The following PPP2R5C variants were observed in gnomAD, a reference collection of about 807,000 sequenced individuals.
The protein encoded by PPP2R5C is protein phosphatase 2 regulatory subunit B'gamma, also known as serine/threonine-protein phosphatase 2A 56 kDa regulatory subunit gamma isoform.
Under a neutral mutation model 68.9 loss-of-function variants are expected in PPP2R5C, and 7 were observed. The observed-to-expected ratio is 0.10, with a 90% CI of 0.06 to 0.19. The LOEUF is 0.19. Among genes scored for constraint, PPP2R5C ranks in the 10% least tolerant of loss-of-function variants. PPP2R5C has a pLI of 1.00. For missense variants in PPP2R5C, 348 were observed against 641.3 expected (o/e 0.54, Z 4.94); for synonymous variants, 210 against 222.2 (o/e 0.95, Z 0.49).
Position 101,911,654 on chromosome 14 carries a change from T to C in PPP2R5C, c.1254-747T>C, listed in dbSNP as rs187835336. Among the ~76,000 whole-genome samples the C allele has an allele frequency of 1.7e-3, 256 of 152,106 alleles. 5 individuals carry two copies. Among genetic ancestry groups the C allele is most frequent in the Admixed American group, 0.014 (207 of 15,272 alleles). ...TCCCAGCACTTTGGGAGGTTATGGCTGGTGGATCATTTGAGGTCAGGAGTT... is the reference window on the plus strand; with the variant it reads ...TCCCAGCACTTTGGGAGGTTATGGCCGGTGGATCATTTGAGGTCAGGAGTT... On this transcript the variant is annotated intron_variant, in intron 11 of 13. Coordinates refer to ENST00000334743, the Ensembl canonical transcript of PPP2R5C.
At chr14:101,793,222 A>G (rs1191914825) in intron 3 of PPP2R5C, among the ~76,000 whole-genome samples, 2 of 152,144 alleles carry the variant, frequency 1.3e-5, no homozygotes, top group Non-Finnish European at 2.9e-5. Flanking sequence ...TCAGTAGTAA[A>G]TATATTAGCA....
chr14:101,835,197 T>C lies in PPP2R5C; in HGVS notation c.95-21489T>C, dbSNP rs2041008734. Among the ~76,000 whole-genome samples the C allele has an allele frequency of 6.6e-6, 1 of 152,022 alleles. No homozygotes were observed. Among genetic ancestry groups the C allele is most frequent in the South Asian group, 2.1e-4 (1 of 4,816 alleles). ...GCGGTGGGAGCATGGGCTGCTCAGC[T>C]GGGGCCATCCAAGGAAGCAAAGATG... On this transcript the variant is annotated intron_variant, in intron 1 of 13. Transcript: ENST00000334743. This position sits in a 1 kb window ranked among gnomAD's most constrained non-coding sequence, Gnocchi z 5.0.
chr14:101,849,498 CTT>C, intron 1 of PPP2R5C, among the ~76,000 whole-genome samples: 1 of 143,670 alleles, frequency 7.0e-6, no homozygotes, highest in Admixed American at 6.9e-5. Context: ...CTGATTAAGA[CTT>C]TTTCCTATTC....
chr14:101,860,043 T>G (rs2042660873), intron 2 of PPP2R5C, among the ~76,000 whole-genome samples: 1 of 152,172 alleles, frequency 6.6e-6, no homozygotes, highest in South Asian at 2.1e-4. Context: ...GAGGTATTAT[T>G]CACATAGCCT....
At chr14:101,889,467 G>C (rs1017210663) in intron 5 of PPP2R5C, among the ~76,000 whole-genome samples, 1 of 152,196 alleles carries the variant, frequency 6.6e-6, no homozygotes, top group Admixed American at 6.5e-5. Context: ...CGTGTTTTCA[G>C]CATCAAACAG....
intron 1 of PPP2R5C, among the ~76,000 whole-genome samples, chr14:101,815,208 T>G (rs975175457): frequency 4.6e-5 from 7 of 152,118 alleles, no homozygotes; most frequent in Non-Finnish European, 8.8e-5. Flanking sequence ...CCACAGAGAA[T>G]GTAGTGAAAC....
At chr14:101,914,157 C>T (rs1310771307) in intron 12 of PPP2R5C, 4 of 455,948 alleles carry the variant, frequency 8.8e-6, no homozygotes, top group South Asian at 1.5e-5. Context: ...TCTTTGCAAA[C>T]GTCTGTGGTG....
chr14:101,788,229 T>C (rs1343192366), intron 3 of PPP2R5C, among the ~76,000 whole-genome samples: 1 of 152,170 alleles, frequency 6.6e-6, no homozygotes, highest in Non-Finnish European at 1.5e-5. Context: ...TGTGCCCCAT[T>C]TTTCCATGCA....
chr14:101,763,086 T>C (rs1168395264), intron 2 of PPP2R5C, 116 bp downstream of exon 2: 3 of 851,088 alleles, frequency 3.5e-6, no homozygotes, highest in East Asian at 2.7e-5. Context: ...GTGAGGTTTT[T>C]TTTTTGTGGT....
At chr14:101,893,901 C>T (rs1276519790) in intron 7 of PPP2R5C, among the ~76,000 whole-genome samples, 1 of 152,214 alleles carries the variant, frequency 6.6e-6, no homozygotes, top group African/African-American at 2.4e-5. Flanking sequence ...CTGCAGTGGG[C>T]GTCTTTGTTC....
chr14:101,764,658 TC>T (rs2036756432), intron 2 of PPP2R5C, among the ~76,000 whole-genome samples: 1 of 152,218 alleles, frequency 6.6e-6, no homozygotes, highest in Non-Finnish European at 1.5e-5. Context: ...AGTCTGTCCC[TC>T]CCTGTCTTTA....
chr14:101,783,647 A>T (rs1297819105), intron 2 of PPP2R5C, among the ~76,000 whole-genome samples: 2 of 152,148 alleles, frequency 1.3e-5, no homozygotes, highest in Non-Finnish European at 2.9e-5. Context: ...CATGGCAGTC[A>T]AGACCCATGG....
intron 2 of PPP2R5C, among the ~76,000 whole-genome samples, chr14:101,862,055 G>A (rs2140644408): frequency 6.6e-6 from 1 of 152,266 alleles, no homozygotes; most frequent in Middle Eastern, 3.4e-3. Flanking sequence ...TGGGACCACA[G>A]GCTTGCACCA....
rs1243137054 is a variant in PPP2R5C at position 101,891,931 on chromosome 14, G to T, written c.690-1069G>T. Among the ~76,000 whole-genome samples the T allele has an allele frequency of 6.6e-6, 1 of 152,128 alleles. No individual in the cohort carries two copies. The highest frequency in any genetic ancestry group is 1.5e-5 in the Non-Finnish European group (1 of 68,020). On this transcript the variant is annotated intron_variant, in intron 6 of 13. Coordinates refer to ENST00000334743, the Ensembl canonical transcript of PPP2R5C. The surrounding 1 kb of genome is among the most constrained non-coding windows in gnomAD (Gnocchi z 4.9). ...GGTAGGACCTCTTTTCTTGCACAAG[G>T]GAACAGCTTTCTGTTTTTTTGTTTG... is the stretch of plus-strand genomic sequence containing the variant.
chr14:101,787,632 T>C (rs944160653), intron 3 of PPP2R5C, among the ~76,000 whole-genome samples: 4 of 151,938 alleles, frequency 2.6e-5, no homozygotes, highest in African/African-American at 9.7e-5. Flanking sequence ...CCAGGCGTGG[T>C]GGCGGGCGCC....
At chr14:101,919,576 G>A (rs1295194494) in intron 13 of PPP2R5C, among the ~76,000 whole-genome samples, 3 of 152,182 alleles carry the variant, frequency 2.0e-5, no homozygotes, top group Non-Finnish European at 2.9e-5. Flanking sequence ...ACTGCACACA[G>A]AAGGAAATCA....
chr14:101,768,121 TG>T (rs2036952647), intron 2 of PPP2R5C, among the ~76,000 whole-genome samples: 1 of 152,226 alleles, frequency 6.6e-6, no homozygotes, highest in Admixed American at 6.5e-5. Flanking sequence ...AGTGGCCCAC[TG>T]CCCCCACCAA....
At chr14:101,761,589 G>A, upstream of PPP2R5C, among the ~76,000 whole-genome samples, 1 of 137,528 alleles carries the variant, frequency 7.3e-6, no homozygotes, top group South Asian at 2.3e-4. Flanking sequence ...GGGCGCGGGG[G>A]TGGGGCGAGC....
intron 1 of PPP2R5C, among the ~76,000 whole-genome samples, chr14:101,855,958 A>G (rs2042396314): frequency 6.6e-6 from 1 of 152,252 alleles, no homozygotes; most frequent in Non-Finnish European, 1.5e-5. Flanking sequence ...CTCACTAAGT[A>G]ATAGTTACCG....
Sources: allele counts gnomAD v4.1 joint callset (sites outside exome capture counted in the v4.1 genomes callset), GRCh38; gene constraint gnomAD v4.1.1; non-coding constraint Gnocchi (gnomAD v3.1); transcripts MANE v1.5; gene names NCBI Gene and HGNC (gene_info 2026-07-23, HGNC 2026-07-21).